Variants in PLB1 observed in about 807,000 individuals in gnomAD.
The protein encoded by PLB1 is phospholipase B1.
PLB1 carries 242 observed loss-of-function variants against 227.4 expected under a neutral mutation model. That is an observed-to-expected ratio of 1.06 (90% CI 0.96 to 1.18). The LOEUF is 1.18. Among genes scored for constraint, PLB1 ranks in the 50% most tolerant of loss-of-function variants. The probability of loss-of-function intolerance (pLI) is 0.00; values close to 1 mark genes in which losing one functional copy is unlikely to be tolerated. For missense variants in PLB1, 1,858 were observed against 1,816.3 expected, an observed-to-expected ratio of 1.02 and a Z score of -0.42; for synonymous variants, 757 against 682.2, an observed-to-expected ratio of 1.11 and a Z score of -1.71.
intron 21 of PLB1, among the ~76,000 whole-genome samples, chr2:28,575,992 A>G (rs1678863824): frequency 6.6e-6 from 1 of 152,322 alleles, no homozygotes; most frequent in Admixed American, 6.5e-5. Context: ...TATAAGAGGA[A>G]AGACAGTTGT....
intron 1 of PLB1, among the ~76,000 whole-genome samples, chr2:28,513,236 A>G (rs181744335): frequency 6.6e-6 from 1 of 152,332 alleles, no homozygotes; most frequent in East Asian, 1.9e-4. Context: ...ATTTTCATCC[A>G]TATAGGTTTT....
chr2:28,581,486 A>AAATAAAT lies in PLB1; in HGVS notation c.1567-580_1567-579insTAAATAA, dbSNP rs1679946332. ...GAGTAGATCCAGAGCTCCACGCAAA[A>AAATAAAT]AAATAAATAAATAAATAAATAAATA... On this transcript the variant is annotated intron_variant, in intron 23 of 57. Coordinates refer to ENST00000327757, the MANE Select transcript of PLB1 (RefSeq NM_153021.5). Among the ~76,000 whole-genome samples the AAATAAAT allele has an allele frequency of 8.1e-5, 9 of 111,176 alleles. 1 individual carries two copies. Among genetic ancestry groups the AAATAAAT allele is most frequent in the African/African-American group, 3.3e-4 (8 of 24,052 alleles). 72.9% of individuals were successfully genotyped at this position (111,176 alleles called of 152,430 possible).
intron 46 of PLB1, among the ~76,000 whole-genome samples, chr2:28,619,011 A>G (rs892126849): frequency 6.6e-6 from 1 of 152,250 alleles, no homozygotes; most frequent in African/African-American, 2.4e-5. Flanking sequence ...ATGCATAGTC[A>G]CATAGATGAC....
intron 51 of PLB1, among the ~76,000 whole-genome samples, chr2:28,628,200 G>A (rs1323370997): frequency 1.3e-5 from 2 of 152,216 alleles, no homozygotes; most frequent in Non-Finnish European, 2.9e-5. Flanking sequence ...AAAAGGAAGT[G>A]TGGCCACCCA....
chr2:28,591,283 C>A, intron 30 of PLB1, 112 bp downstream of exon 30: 2 of 1,334,902 alleles, frequency 1.5e-6, no homozygotes, highest in Non-Finnish European at 2.1e-6. Context: ...TCTAGATGGG[C>A]ATAAAGGCCA....
Position 28,553,004 on chromosome 2 carries a change from C to T in PLB1, c.1147+13C>T, listed in dbSNP as rs757206809. 8 of 1,610,118 alleles carry T rather than the reference C, an allele frequency of 5.0e-6. No homozygotes were observed. Among genetic ancestry groups the T allele is most frequent in the Non-Finnish European group, 6.8e-6 (8 of 1,176,536 alleles). Reference sequence around the variant, plus strand: ...GTTCCCACCTCAGGTACACAGCTTGCACCCAGTGATTTTAAAATTCATTCG... The same window carrying T: ...GTTCCCACCTCAGGTACACAGCTTGTACCCAGTGATTTTAAAATTCATTCG... On this transcript the variant is annotated intron_variant, in intron 17 of 57. Transcript: ENST00000327757.
Position 28,620,916 on chromosome 2 carries a change from C to T in PLB1, c.3465C>T (p.Phe1155=). Residue 1155 remains phenylalanine, a synonymous_variant, in exon 49 of 58, where the codon TTC becomes TTT. Transcript: ENST00000327757. ...LKKFNPYLLG[F]STSTWEGTAG... ...AGTTCAACCCTTACCTCCTTGGCTT[C>T]TCTACCAGCACCTGGGAGGGGACAG... The T allele has an allele frequency of 6.2e-7, 1 of 1,614,052 alleles. No individual in the cohort carries two copies. The highest frequency in any genetic ancestry group is 2.2e-5 in the East Asian group (1 of 44,878).
chr2:28,609,581 T>A (rs538753643), intron 43 of PLB1, among the ~76,000 whole-genome samples: 1 of 152,284 alleles, frequency 6.6e-6, no homozygotes. Flanking sequence ...TAAGTGACAT[T>A]GTTATCTTTT....
intron 6 of PLB1, among the ~76,000 whole-genome samples, chr2:28,527,377 C>T (rs1670409415): frequency 6.6e-6 from 1 of 152,204 alleles, no homozygotes; most frequent in Admixed American, 6.5e-5. Context: ...GAGACCACAG[C>T]TGCAAGCTCA....
intron 54 of PLB1, 88 bp downstream of exon 54, chr2:28,630,752 GGCCAAGA>G (rs1338352545): frequency 5.3e-6 from 6 of 1,129,140 alleles, no homozygotes; most frequent in Non-Finnish European, 7.6e-6. Flanking sequence ...AGCAGGATGT[GGCCAAGA>G]GCAAGCCACT....
intron 4 of PLB1, 108 bp downstream of exon 4, chr2:28,519,871 A>G (rs1669285929): frequency 1.5e-6 from 1 of 666,928 alleles, no homozygotes; most frequent in African/African-American, 1.8e-5. Context: ...AGAGAACATC[A>G]TGTGAACTAG....
intron 6 of PLB1, among the ~76,000 whole-genome samples, chr2:28,528,381 A>C (rs1052340059): frequency 6.6e-6 from 1 of 152,146 alleles, no homozygotes; most frequent in African/African-American, 2.4e-5. Flanking sequence ...GACACAACTT[A>C]ACTGCTCCTG....
intron 13 of PLB1, among the ~76,000 whole-genome samples, chr2:28,542,972 A>G (rs2148211002): frequency 6.6e-6 from 1 of 152,074 alleles, no homozygotes; most frequent in Admixed American, 6.5e-5. Flanking sequence ...GTGACAGAGA[A>G]CCCCATGATG....
chr2:28,599,382 CA>C (rs2148296587), intron 35 of PLB1, among the ~76,000 whole-genome samples: 1 of 152,336 alleles, frequency 6.6e-6, no homozygotes, highest in Non-Finnish European at 1.5e-5. Context: ...GCCTCTGTCA[CA>C]TGTCATCTTC....
chr2:28,629,083 A>G lies in PLB1; in HGVS notation c.3727-11A>G. ...CAGTGCCCTAACGAAACCACCCTCC[A>G]CTCCCTGCAGCTCCCAAGGGCTTTC... On this transcript the variant is annotated splice_polypyrimidine_tract_variant and intron_variant, in intron 52 of 57. Coordinates refer to ENST00000327757, the MANE Select transcript of PLB1 (RefSeq NM_153021.5). 1 of 1,610,766 alleles carries G rather than the reference A, an allele frequency of 6.2e-7. No homozygotes were observed. Among genetic ancestry groups the G allele is most frequent in the Non-Finnish European group, 8.5e-7 (1 of 1,178,354 alleles).
intron 42 of PLB1, 109 bp from the exon 43 acceptor site, chr2:28,606,387 C>T: frequency 9.0e-7 from 1 of 1,113,206 alleles, no homozygotes; most frequent in Non-Finnish European, 1.3e-6. Context: ...GAGCCAAGCC[C>T]CCTGAAATCG....
intron 17 of PLB1, among the ~76,000 whole-genome samples, chr2:28,561,975 A>G (rs1039964058): frequency 4.6e-5 from 7 of 152,354 alleles, no homozygotes; most frequent in Non-Finnish European, 7.3e-5. Context: ...GAAGCCAAAC[A>G]TAAAAAGTCA....
intron 14 of PLB1, 94 bp downstream of exon 14, chr2:28,543,362 C>T: frequency 2.3e-6 from 3 of 1,330,718 alleles, no homozygotes; most frequent in South Asian, 1.3e-5. Flanking sequence ...CTGCAGGGCG[C>T]CCCAGGATCC....
At chr2:28,598,416 C>T (rs1683322554) in intron 34 of PLB1, among the ~76,000 whole-genome samples, 1 of 152,134 alleles carries the variant, frequency 6.6e-6, no homozygotes, top group Admixed American at 6.5e-5. Context: ...TGTATTAATA[C>T]AATTTAATAC....
Sources: allele counts gnomAD v4.1 joint callset (sites outside exome capture counted in the v4.1 genomes callset), GRCh38; gene constraint gnomAD v4.1.1; transcripts MANE v1.5; gene names NCBI Gene and HGNC (gene_info 2026-07-23, HGNC 2026-07-21).